TUSC3: variants seen among roughly 807,000 people sequenced by gnomAD.
The protein encoded by TUSC3 is tumor suppressor candidate 3, also known as dolichyl-diphosphooligosaccharide--protein glycosyltransferase subunit TUSC3.
A neutral mutation model predicts 44.8 loss-of-function variants in TUSC3; 45 were observed. That is an observed-to-expected ratio of 1.00 (90% CI 0.79 to 1.29). The LOEUF is 1.29. Among genes scored for constraint, TUSC3 ranks in the 50% most tolerant of loss-of-function variants. The pLI is 0.00. For synonymous variants in TUSC3, 212 were observed against 152.9 expected (o/e 1.39, Z -2.85); for missense variants, 519 against 437.9 (o/e 1.19, Z -1.65).
At chr8:15,592,526 G>T (rs901405432) in intron 1 of TUSC3, among the ~76,000 whole-genome samples, 8 of 151,980 alleles carry the variant, frequency 5.3e-5, no homozygotes, top group African/African-American at 1.7e-4. Flanking sequence ...TTGTTTAAAG[G>T]AGCCTGCCAC....
chr8:15,806,976 T>A, the TUSC3 span: 3 of 1,465,484 alleles, frequency 2.0e-6, no homozygotes, highest in East Asian at 4.6e-5. Flanking sequence ...CCAGGAAACC[T>A]GTTCTGATTC....
chr8:15,759,822 G>A (rs530819939), intron 10 of TUSC3, among the ~76,000 whole-genome samples: 9 of 152,008 alleles, frequency 5.9e-5, no homozygotes, highest in Admixed American at 2.6e-4. Context: ...ACCTCACTAC[G>A]TTAAAAAATC....
chr8:15,612,246 G>GC (rs1192998451), intron 1 of TUSC3, among the ~76,000 whole-genome samples: 1 of 152,078 alleles, frequency 6.6e-6, no homozygotes, highest in Non-Finnish European at 1.5e-5. Flanking sequence ...GTGAATAGCT[G>GC]CCCCCCTGGC....
Position 15,743,719 on chromosome 8 carries a change from T to A in TUSC3, c.937+107T>A, listed in dbSNP as rs559029084. On this transcript the variant is annotated intron_variant, in intron 8 of 10. Transcript: ENST00000503731. Reference sequence around the variant, plus strand: ...CTTTGTAAACAAACTTCTAAAGAAATGTTCTGGTTTGAAGAAGATTTTAAC... The same window carrying A: ...CTTTGTAAACAAACTTCTAAAGAAAAGTTCTGGTTTGAAGAAGATTTTAAC... 1.3e-5 allele frequency: 16 copies of A among 1,223,582 alleles called. No homozygotes were observed. In the African/African-American group the frequency reaches 1.5e-4, roughly 11 times the overall value. 75.8% of individuals were successfully genotyped at this position (1,223,582 alleles called of 1,614,324 possible).
chr8:15,512,775 TCAAC>T (rs1199505803), intron 2 of TUSC3, among the ~76,000 whole-genome samples: 1 of 17,220 alleles, frequency 5.8e-5, no homozygotes, highest in Non-Finnish European at 2.1e-4. Flanking sequence ...TCTGTTTCAG[TCAAC>T]CAATCAATCA....
chr8:15,722,047 T>A (rs1810322692), intron 6 of TUSC3, among the ~76,000 whole-genome samples: 1 of 152,092 alleles, frequency 6.6e-6, no homozygotes, highest in South Asian at 2.1e-4. Flanking sequence ...AAGTGTTTGC[T>A]GAAACACAAT....
chr8:15,525,581 G>T (rs1046346359), intron 2 of TUSC3, among the ~76,000 whole-genome samples: 1 of 152,106 alleles, frequency 6.6e-6, no homozygotes, highest in Admixed American at 6.6e-5. Context: ...AGTGTAAAGT[G>T]GTCCTGAGAA....
At chr8:15,468,738 G>T (rs924612417) in intron 1 of TUSC3, among the ~76,000 whole-genome samples, 1 of 152,090 alleles carries the variant, frequency 6.6e-6, no homozygotes, top group East Asian at 1.9e-4. Flanking sequence ...CAACAGATAT[G>T]AAAACATTCT....
rs372473586 is a variant in TUSC3 at position 15,686,745 on chromosome 8, T to C, written c.798+12909T>C. Among the ~76,000 whole-genome samples the C allele has an allele frequency of 4.6e-5, 7 of 152,210 alleles. No individual in the cohort carries two copies. The South Asian group carries it at 1.5e-3, about 32-fold the overall frequency. On this transcript the variant is annotated intron_variant, in intron 6 of 10. Coordinates refer to ENST00000503731, the MANE Select transcript of TUSC3 (RefSeq NM_006765.4). ...GTCTTCATACCACCAGCAAAGAGAA[T>C]GTTAACATTATCCTGAAATTTTTAA...
At chr8:15,686,925 G>A (rs910575352) in intron 6 of TUSC3, among the ~76,000 whole-genome samples, 2 of 152,002 alleles carry the variant, frequency 1.3e-5, no homozygotes, top group Non-Finnish European at 2.9e-5. Flanking sequence ...AAAATTAGCC[G>A]GGCATGGTGG....
chr8:15,779,667 A>T, the TUSC3 span, among the ~76,000 whole-genome samples: 1 of 152,190 alleles, frequency 6.6e-6, no homozygotes, highest in African/African-American at 2.4e-5. Flanking sequence ...GCATTTGATT[A>T]AAAGAGTATC....
At chr8:15,673,960 T>C in intron 6 of TUSC3, 124 bp downstream of exon 6, 4 of 794,258 alleles carry the variant, frequency 5.0e-6, no homozygotes, top group African/African-American at 3.4e-5. Flanking sequence ...ATATTCTTTC[T>C]CATTTACTAC....
intron 1 of TUSC3, among the ~76,000 whole-genome samples, chr8:15,418,061 T>C (rs1168736182): frequency 6.6e-6 from 1 of 152,184 alleles, no homozygotes; most frequent in Non-Finnish European, 1.5e-5. Context: ...GAGAATTTCA[T>C]ACTCAATAAA....
rs76084578 is a variant in TUSC3, at chr8:15,631,028, A to G, written c.308+7779A>G. Among the ~76,000 whole-genome samples, 1,216 of 152,256 alleles carry G rather than the reference A, an allele frequency of 8.0e-3. 16 individuals are homozygous for G. The highest frequency in any genetic ancestry group is 0.028 in the African/African-American group (1,149 of 41,554). ...CTCTTACCTTTGATAATATTTCTTC[A>G]TAGCCCTTAATTTTTAAGTTTCCTT... On this transcript the variant is annotated intron_variant, in intron 2 of 10. Coordinates refer to ENST00000503731, the MANE Select transcript of TUSC3 (RefSeq NM_006765.4).
At chr8:15,831,367 A>T in the TUSC3 span, among the ~76,000 whole-genome samples, 1 of 152,210 alleles carries the variant, frequency 6.6e-6, no homozygotes, top group Non-Finnish European at 1.5e-5. Flanking sequence ...CACTGCAAGA[A>T]CTCTGACAAT....
At chr8:15,678,996 T>C (rs377132243) in intron 6 of TUSC3, among the ~76,000 whole-genome samples, 9 of 152,222 alleles carry the variant, frequency 5.9e-5, no homozygotes, top group African/African-American at 2.2e-4. Context: ...TTTCTTTATT[T>C]AATTCACCGT....
At chr8:15,842,511 C>G in the TUSC3 span, among the ~76,000 whole-genome samples, 1 of 152,090 alleles carries the variant, frequency 6.6e-6, no homozygotes. Context: ...AGACTGATTA[C>G]TTATTGCTGA....
At chr8:15,556,135 T>C (rs1366545939) in intron 1 of TUSC3, among the ~76,000 whole-genome samples, 2 of 148,830 alleles carry the variant, frequency 1.3e-5, no homozygotes, top group Non-Finnish European at 3.0e-5. Context: ...TAGGTAAATC[T>C]CCCAGTGCTA....
intron 1 of TUSC3, among the ~76,000 whole-genome samples, chr8:15,620,806 A>G (rs1045694323): frequency 6.6e-6 from 1 of 152,208 alleles, no homozygotes; most frequent in South Asian, 2.1e-4. Context: ...CATTCCTTTC[A>G]GCATCCGTGA....
Sources: gnomAD v4.1 joint callset for allele counts (sites outside exome capture counted in the v4.1 genomes callset) on GRCh38, gnomAD v4.1.1 for gene constraint, MANE v1.5 for transcripts, NCBI Gene and HGNC (gene_info 2026-07-23, HGNC 2026-07-21) for gene names.